RORB: variants seen among roughly 807,000 people sequenced by gnomAD.
The protein encoded by RORB is nuclear receptor ROR-beta.
Under a neutral mutation model 59.1 loss-of-function variants are expected in RORB, and 6 were observed. The observed-to-expected ratio is 0.10, with a 90% CI of 0.06 to 0.20. The LOEUF (loss-of-function observed/expected upper bound fraction) is 0.20. RORB is among the 10% of genes least tolerant of loss of function. The pLI, the probability that RORB is intolerant of heterozygous loss-of-function variation, is 1.00. For missense variants in RORB, 320 were observed against 560.5 expected (o/e 0.57, Z 4.33); for synonymous variants, 215 against 204.5 (o/e 1.05, Z -0.44).
intron 4 of RORB, among the ~76,000 whole-genome samples, chr9:74,643,489 A>G (rs1277088893): frequency 1.3e-5 from 2 of 152,252 alleles, no homozygotes; most frequent in African/African-American, 2.4e-5. Context: ...GATCTTCAAG[A>G]GTGCCCTGCC....
At chr9:74,581,083 C>T (rs1187164845) in intron 1 of RORB, among the ~76,000 whole-genome samples, 1 of 152,114 alleles carries the variant, frequency 6.6e-6, no homozygotes, top group African/African-American at 2.4e-5. Flanking sequence ...GAATCACAGA[C>T]ATCTTACATA....
intron 9 of RORB, among the ~76,000 whole-genome samples, chr9:74,682,166 C>T (rs187316616): frequency 5.3e-5 from 8 of 151,872 alleles, no homozygotes; most frequent in African/African-American, 1.7e-4. Flanking sequence ...TTTGTTGCCT[C>T]ACTTAATCCT....
At chr9:74,567,732 T>C (rs1053457196) in intron 1 of RORB, among the ~76,000 whole-genome samples, 2 of 152,188 alleles carry the variant, frequency 1.3e-5, no homozygotes, top group African/African-American at 4.8e-5. Flanking sequence ...TGGTACCACT[T>C]ATGAAAGATA....
chr9:74,610,024 C>G (rs1823210442), intron 1 of RORB, among the ~76,000 whole-genome samples: 1 of 152,210 alleles, frequency 6.6e-6, no homozygotes, highest in Admixed American at 6.5e-5. Flanking sequence ...TGGCATTTCT[C>G]TGTACTTCTG....
chr9:74,669,777 T>A (rs1315567355), intron 8 of RORB, among the ~76,000 whole-genome samples: 2 of 152,168 alleles, frequency 1.3e-5, no homozygotes, highest in African/African-American at 4.8e-5. Context: ...TATGCTCTAC[T>A]ATATTTTTCA....
intron 1 of RORB, among the ~76,000 whole-genome samples, chr9:74,502,601 TAATA>T (rs1227275817): frequency 1.3e-5 from 2 of 152,100 alleles, no homozygotes; most frequent in African/African-American, 4.8e-5. Flanking sequence ...AGCATTCAAT[TAATA>T]GTTTAATATT....
At chr9:74,602,645 CAATTCTTG>C (rs1823083780) in intron 1 of RORB, among the ~76,000 whole-genome samples, 1 of 152,158 alleles carries the variant, frequency 6.6e-6, no homozygotes, top group Admixed American at 6.5e-5. Context: ...AGACAGTTAA[CAATTCTTG>C]AGTTATGTAG....
intron 1 of RORB, among the ~76,000 whole-genome samples, chr9:74,535,259 A>G (rs568161894): frequency 6.6e-6 from 1 of 152,202 alleles, no homozygotes; most frequent in African/African-American, 2.4e-5. Flanking sequence ...AGGAGATGAA[A>G]AAACAAATCT....
chr9:74,634,841 G>C, intron 3 of RORB, 69 bp downstream of exon 3: 1 of 1,409,774 alleles, frequency 7.1e-7, no homozygotes, highest in Non-Finnish European at 9.6e-7. Flanking sequence ...GTCTATTTAA[G>C]CTGCTGGAAG....
intron 4 of RORB, among the ~76,000 whole-genome samples, chr9:74,648,626 T>C (rs1823940079): frequency 6.6e-6 from 1 of 152,170 alleles, no homozygotes; most frequent in African/African-American, 2.4e-5. Context: ...GGGCTTTCAC[T>C]AAGTGAAATG....
At chr9:74,635,879 A>T (rs1823692817) in intron 3 of RORB, among the ~76,000 whole-genome samples, 1 of 151,108 alleles carries the variant, frequency 6.6e-6, no homozygotes, top group South Asian at 2.1e-4. Context: ...GAGTGATTAG[A>T]TTCTTTACCT....
At chr9:74,602,089 A>G (rs973272444) in intron 1 of RORB, among the ~76,000 whole-genome samples, 3 of 152,150 alleles carry the variant, frequency 2.0e-5, no homozygotes, top group African/African-American at 7.2e-5. Flanking sequence ...ACTTCCATCC[A>G]GGTCCCCATC....
At chr9:74,603,348 A>C (rs924418020) in intron 1 of RORB, among the ~76,000 whole-genome samples, 1 of 152,120 alleles carries the variant, frequency 6.6e-6, no homozygotes, top group Admixed American at 6.5e-5. Flanking sequence ...ACCGCTTTCT[A>C]TTTGCCAAGC....
At chr9:74,599,334 A>G (rs1026533532) in intron 1 of RORB, among the ~76,000 whole-genome samples, 1 of 152,198 alleles carries the variant, frequency 6.6e-6, no homozygotes, top group Admixed American at 6.5e-5. Flanking sequence ...AATGCCACGA[A>G]TTGAAATGCT....
At chr9:74,541,279 C>CAAAAAAAAAAAAAAAAAAAAAAAA (rs374556016) in intron 1 of RORB, among the ~76,000 whole-genome samples, 2 of 43,574 alleles carry the variant, frequency 4.6e-5, no homozygotes, top group African/African-American at 1.6e-4. Context: ...GACTCCATCT[C>CAAAAAAAAAAAAAAAAAAAAAAAA]AAAAAAAAAA....
intron 1 of RORB, among the ~76,000 whole-genome samples, chr9:74,592,607 A>G (rs1333860588): frequency 6.6e-6 from 1 of 152,208 alleles, no homozygotes. Context: ...AATGGTCAGC[A>G]ACATGTCTCA....
At chr9:74,640,250 T>G (rs539905580) in intron 3 of RORB, among the ~76,000 whole-genome samples, 2 of 152,134 alleles carry the variant, frequency 1.3e-5, no homozygotes, top group Non-Finnish European at 2.9e-5. Context: ...GTGTTTTGTT[T>G]TGTTTTTTGA....
intron 6 of RORB, among the ~76,000 whole-genome samples, chr9:74,663,969 C>A (rs1341430904): frequency 6.6e-6 from 1 of 152,114 alleles, no homozygotes; most frequent in Non-Finnish European, 1.5e-5. Flanking sequence ...TATATACCAT[C>A]AGTCATGAAG....
At chr9:74,597,083 G>A (rs1370729852) in intron 1 of RORB, among the ~76,000 whole-genome samples, 1 of 152,204 alleles carries the variant, frequency 6.6e-6, no homozygotes, top group Non-Finnish European at 1.5e-5. Context: ...AGAGTTTCTA[G>A]CTCAGTCGGT....
Sources: allele counts gnomAD v4.1 joint callset (sites outside exome capture counted in the v4.1 genomes callset), GRCh38; gene constraint gnomAD v4.1.1; transcripts MANE v1.5; gene names NCBI Gene and HGNC (gene_info 2026-07-23, HGNC 2026-07-21).